Variants in MYH7B observed in about 807,000 individuals in gnomAD.
MYH7B encodes myosin heavy chain 7B.
Under a neutral mutation model 234.5 loss-of-function variants are expected in MYH7B, and 205 were observed. The observed-to-expected ratio is 0.87, with a 90% CI of 0.78 to 0.98. MYH7B has a LOEUF of 0.98. Among genes scored for constraint, MYH7B ranks in the 50% least tolerant of loss-of-function variants. The pLI, the probability that MYH7B is intolerant of heterozygous loss-of-function variation, is 0.00. For synonymous variants in MYH7B, 1,193 were observed against 1,105.0 expected (o/e 1.08, Z -1.58); for missense variants, 2,652 against 2,633.4 (o/e 1.01, Z -0.15).
At chr20:34,987,052 G>C in intron 15 of MYH7B, 63 bp downstream of exon 15, 1 of 1,606,916 alleles carries the variant, frequency 6.2e-7, no homozygotes, top group South Asian at 1.1e-5. Context: ...CAGCACTGCC[G>C]GTGCCCCCAG....
chr20:34,979,896 G>A lies in MYH7B; in HGVS notation c.342+92G>A, dbSNP rs1419659493. The A allele has an allele frequency of 1.0e-5, 15 of 1,429,336 alleles. No individual in the cohort carries two copies. The East Asian group carries it at 3.4e-4, about 33-fold the overall frequency. The allele number at this position is 1,429,336 out of a possible 1,614,324, so 88.5% of individuals were successfully genotyped here. On this transcript the variant is annotated intron_variant, in intron 7 of 44. Coordinates refer to ENST00000262873, the Ensembl canonical transcript of MYH7B. ...GCTGGGGGCGGGCCCATAGCGGTGG[G>A]GCGGGGCTGTGAGCGGTGGATCGGG...
exon 45 of MYH7B, chr20:35,002,410 TTAAAA>T: frequency 2.3e-6 from 1 of 428,710 alleles, no homozygotes; most frequent in Non-Finnish European, 4.0e-6. Context: ...GCAGTCATTT[TTAAAA>T]TAAAGTTATT....
At chr20:34,957,818 C>T (rs528337729) in intron 1 of MYH7B, among the ~76,000 whole-genome samples, 2 of 152,278 alleles carry the variant, frequency 1.3e-5, no homozygotes, top group Admixed American at 6.5e-5. Flanking sequence ...AAACCATGTA[C>T]ATTATCTGAC....
At chr20:34,992,562 T>G (rs936095897) in intron 24 of MYH7B, among the ~76,000 whole-genome samples, 2 of 49,638 alleles carry the variant, frequency 4.0e-5, no homozygotes, top group Non-Finnish European at 1.0e-4. Context: ...CAAGGTTGTG[T>G]TTTTTTTTTT....
chr20:34,995,315 C>A, intron 27 of MYH7B, 21 bp from the exon 28 acceptor site: 2 of 1,607,644 alleles, frequency 1.2e-6, no homozygotes, highest in Non-Finnish European at 1.7e-6. Flanking sequence ...CCAACCTGGC[C>A]CCGTTCCGTG....
At chr20:35,001,190 G>A (rs781724662) in intron 41 of MYH7B, 32 bp downstream of exon 41, 3 of 1,608,186 alleles carry the variant, frequency 1.9e-6, no homozygotes, top group Non-Finnish European at 2.6e-6. Context: ...CTTGGCGCAG[G>A]CAGGGTGGGT....
chr20:34,988,644 T>C (rs1482554175), intron 19 of MYH7B, among the ~76,000 whole-genome samples: 1 of 152,104 alleles, frequency 6.6e-6, no homozygotes, highest in Non-Finnish European at 1.5e-5. Context: ...AGGGTGTGTT[T>C]CCTTGTTTTT....
intron 8 of MYH7B, 30 bp downstream of exon 8, chr20:34,980,764 G>A (rs772900325): frequency 4.4e-6 from 7 of 1,604,190 alleles, no homozygotes; most frequent in East Asian, 2.2e-5. Context: ...CTCCCCAACC[G>A]CAGACCCCGA....
intron 43 of MYH7B, 172 bp downstream of exon 43, chr20:35,001,698 C>A: frequency 1.3e-6 from 1 of 794,196 alleles, no homozygotes; most frequent in Non-Finnish European, 2.0e-6. Flanking sequence ...TCTCATGGAA[C>A]AGACCCCATG....
chr20:34,978,095 C>T lies in MYH7B; in HGVS notation c.90C>T (p.Asp30=), dbSNP rs778824125. 6.9e-5 allele frequency: 111 copies of T among 1,613,740 alleles called. No homozygotes were observed. In the Admixed American group the frequency reaches 1.6e-3, roughly 23 times the overall value. The change falls in exon 5 of 45, where the codon GAC becomes GAT. Residue 30 remains aspartate (D), a splice_region_variant and synonymous_variant. Transcript: ENST00000262873. ...CGAAGGTGCACACTATCCCATGGGA[C>T]GGTAAGTGGAGACAGAGGGGGAGGG... is the stretch of plus-strand genomic sequence containing the variant.
intron 2 of MYH7B, among the ~76,000 whole-genome samples, chr20:34,970,017 G>A (rs1049956575): frequency 2.0e-5 from 3 of 152,158 alleles, no homozygotes; most frequent in African/African-American, 7.2e-5. Flanking sequence ...ACCATTAAGA[G>A]GTTTAGTCAT....
intron 7 of MYH7B, 27 bp downstream of exon 7, chr20:34,979,831 G>A (rs1357005360): frequency 3.1e-6 from 5 of 1,606,832 alleles, no homozygotes; most frequent in South Asian, 2.2e-5. Context: ...GGCCATGGGC[G>A]GGGTGGGGCT....
At chr20:34,992,229 TA>T (rs1045282313) in intron 24 of MYH7B, among the ~76,000 whole-genome samples, 1 of 151,694 alleles carries the variant, frequency 6.6e-6, no homozygotes, top group African/African-American at 2.4e-5. Flanking sequence ...ACTAAAAATA[TA>T]AAAAAATTAG....
At chr20:34,974,505 C>T (rs2081827770) in intron 2 of MYH7B, among the ~76,000 whole-genome samples, 1 of 152,242 alleles carries the variant, frequency 6.6e-6, no homozygotes, top group African/African-American at 2.4e-5. Flanking sequence ...TGGAAGGGAA[C>T]CTACGAGGAA....
intron 24 of MYH7B, among the ~76,000 whole-genome samples, chr20:34,992,740 T>C (rs2082178897): frequency 6.6e-6 from 1 of 152,026 alleles, no homozygotes; most frequent in Non-Finnish European, 1.5e-5. Flanking sequence ...CCACTAATTT[T>C]TGTGTTTTTA....
chr20:34,985,397 C>A (rs574594355), intron 13 of MYH7B, among the ~76,000 whole-genome samples: 1 of 152,250 alleles, frequency 6.6e-6, no homozygotes, highest in African/African-American at 2.4e-5. Flanking sequence ...GATCCTGTCA[C>A]CTGAGGATGG....
At position 34,980,191 on chromosome 20, in the gene MYH7B, AG is replaced by A. The variant is rs1389517072; in HGVS notation, c.343-384del. 4 of 337,610 alleles carry A rather than the reference AG, an allele frequency of 1.2e-5. No individual in the cohort carries two copies. In the East Asian group the frequency reaches 2.4e-4, roughly 20 times the overall value. The allele number at this position is 337,610 out of a possible 1,614,324, so 20.9% of individuals were successfully genotyped here. The stretch of plus-strand genomic sequence containing the variant: ...CAAGTAGCTCCTTGAGGAATATCGC[AG>A]GGTTCTTCTGAAGACTGGGGCCTGG... On this transcript the variant is annotated intron_variant, in intron 7 of 44. Transcript: ENST00000262873.
chr20:34,988,596 A>C (rs1313600923), intron 19 of MYH7B, among the ~76,000 whole-genome samples: 5 of 152,024 alleles, frequency 3.3e-5, no homozygotes, highest in Non-Finnish European at 7.4e-5. Flanking sequence ...TGCAGCCACA[A>C]TTTCACTGGA....
At chr20:34,986,627 G>A (rs548051710) in intron 14 of MYH7B, among the ~76,000 whole-genome samples, 1 of 152,180 alleles carries the variant, frequency 6.6e-6, no homozygotes, top group Admixed American at 6.5e-5. Flanking sequence ...TGAGGACTGT[G>A]GCTCATTCCT....
Sources: gnomAD v4.1 joint callset for allele counts (sites outside exome capture counted in the v4.1 genomes callset) on GRCh38, gnomAD v4.1.1 for gene constraint, MANE v1.5 for transcripts, NCBI Gene and HGNC (gene_info 2026-07-23, HGNC 2026-07-21) for gene names.